The following ANKRD18B variants were observed in gnomAD, a reference collection of about 807,000 sequenced individuals.
The protein encoded by ANKRD18B is ankyrin repeat domain-containing protein 18B.
In ANKRD18B, 75 loss-of-function variants were observed where a neutral mutation model predicts 111.8. The ratio of observed to expected loss-of-function variants is 0.67; its 90% CI spans 0.56 to 0.81. ANKRD18B has a LOEUF of 0.81. ANKRD18B is among the 40% of genes least tolerant of loss of function. The pLI is 0.00. For missense variants in ANKRD18B, 1,038 were observed against 1,225.5 expected, an observed-to-expected ratio of 0.85 and a Z score of 2.28; for synonymous variants, 356 against 417.3, an observed-to-expected ratio of 0.85 and a Z score of 1.79.
intron 10 of ANKRD18B, 142 bp from the exon 11 acceptor site, chr9:33,547,796 T>G (rs1828382378): frequency 1.7e-6 from 1 of 587,152 alleles, no homozygotes; most frequent in Admixed American, 3.8e-5. Context: ...GTTCAAGGTT[T>G]TGCTTCAATT....
In ANKRD18B at chr9:33,529,065, T is replaced by C. The variant is rs1354487868; in HGVS notation, c.387T>C (p.Ile129=). ...ILLKRGANPN[I]KDIYGNTALH... Reference sequence around the variant, plus strand: ...TGAAACGTGGCGCCAATCCAAACATTAAGGATATCTACGGCAACACTGCTC... The same window carrying C: ...TGAAACGTGGCGCCAATCCAAACATCAAGGATATCTACGGCAACACTGCTC... The change falls in exon 3 of 19, where the codon ATT becomes ATC. Residue 129 remains isoleucine (I), a synonymous_variant. Coordinates refer to ENST00000684830, the MANE Select transcript of ANKRD18B (RefSeq NM_001393611.1). 1 of 1,612,136 alleles carries C rather than the reference T, an allele frequency of 6.2e-7. No homozygotes were observed. Among genetic ancestry groups the C allele is most frequent in the Non-Finnish European group, 8.5e-7 (1 of 1,179,856 alleles).
chr9:33,533,806 A>T, intron 4 of ANKRD18B: 2 of 582,600 alleles, frequency 3.4e-6, no homozygotes, highest in Non-Finnish European at 4.7e-6. Context: ...TATATTAGCT[A>T]AAGGGGTTTT....
At chr9:33,531,126 A>G (rs1828109176) in intron 3 of ANKRD18B, among the ~76,000 whole-genome samples, 1 of 152,228 alleles carries the variant, frequency 6.6e-6, no homozygotes, top group Admixed American at 6.5e-5. Flanking sequence ...TCTTTTAATA[A>G]TTTAGTTTCA....
At chr9:33,526,978 C>T (rs1426351629) in intron 1 of ANKRD18B, among the ~76,000 whole-genome samples, 1 of 152,152 alleles carries the variant, frequency 6.6e-6, no homozygotes, top group Non-Finnish European at 1.5e-5. Context: ...ATGTAGCAGA[C>T]ATTTTGCACT....
chr9:33,556,447 A>G (rs867768984), intron 13 of ANKRD18B, among the ~76,000 whole-genome samples: 60 of 152,060 alleles, frequency 3.9e-4, no homozygotes, highest in African/African-American at 1.4e-3. Flanking sequence ...TATTTTTAGT[A>G]GAGATGGGGT....
At chr9:33,527,761 G>A (rs567244521) in intron 1 of ANKRD18B, among the ~76,000 whole-genome samples, 114 of 152,318 alleles carry the variant, frequency 7.5e-4, no homozygotes, top group African/African-American at 2.6e-3. Flanking sequence ...CCCTAGACCT[G>A]CTGTGTATAC....
intron 1 of ANKRD18B, among the ~76,000 whole-genome samples, chr9:33,526,099 G>A (rs1435989498): frequency 4.6e-5 from 7 of 152,156 alleles, no homozygotes; most frequent in Admixed American, 1.3e-4. Context: ...TATCCACAGT[G>A]TTTGTGAGAA....
chr9:33,534,025 G>A (rs1828157510), intron 4 of ANKRD18B, among the ~76,000 whole-genome samples: 1 of 151,852 alleles, frequency 6.6e-6, no homozygotes, highest in Admixed American at 6.6e-5. Context: ...TCGAAGCAAT[G>A]GGAAAGCAAT....
chr9:33,543,919 T>G (rs1563902722), intron 10 of ANKRD18B, among the ~76,000 whole-genome samples: 1 of 152,210 alleles, frequency 6.6e-6, no homozygotes, highest in Non-Finnish European at 1.5e-5. Context: ...GACCTGGATA[T>G]AAGCAGATAA....
At position 33,548,117 on chromosome 9, in the gene ANKRD18B, T is replaced by C; in HGVS notation, c.1329T>C (p.Ser443=). The C allele has an allele frequency of 2.0e-6, 3 of 1,536,216 alleles. No individual in the cohort carries two copies. The highest frequency in any genetic ancestry group is 2.6e-6 in the Non-Finnish European group (3 of 1,142,042). ...AAATAAATGCTAACTTTGAAAAGAGTGTAAGACTCAATGAAGAAATGATAA... is the reference window on the plus strand; with the variant it reads ...AAATAAATGCTAACTTTGAAAAGAGCGTAAGACTCAATGAAGAAATGATAA... ...ITEINANFEK[S]VRLNEEMITK... Residue 443 remains serine (S), a synonymous_variant, in exon 11 of 19, where the codon AGT becomes AGC. Coordinates refer to ENST00000684830, the MANE Select transcript of ANKRD18B (RefSeq NM_001393611.1).
intron 15 of ANKRD18B, chr9:33,566,850 G>C: frequency 7.0e-6 from 3 of 430,194 alleles, no homozygotes; most frequent in Non-Finnish European, 8.1e-6. Flanking sequence ...AATTATAAAT[G>C]GATTCTATTA....
At chr9:33,570,641 T>C (rs1319810014) in intron 17 of ANKRD18B, among the ~76,000 whole-genome samples, 2 of 121,014 alleles carry the variant, frequency 1.7e-5, no homozygotes, top group Admixed American at 8.4e-5. Flanking sequence ...TAACCTTTTT[T>C]TCTTTTTTTT....
chr9:33,557,205 T>C (rs538382798), intron 13 of ANKRD18B, among the ~76,000 whole-genome samples: 1 of 152,240 alleles, frequency 6.6e-6, no homozygotes, highest in South Asian at 2.1e-4. Context: ...ACCTTTCCTT[T>C]TTTCTAAAAC....
chr9:33,570,945 C>T (rs773106229), intron 17 of ANKRD18B, among the ~76,000 whole-genome samples: 11 of 152,034 alleles, frequency 7.2e-5, no homozygotes, highest in Non-Finnish European at 1.5e-4. Context: ...CATTGTTTAA[C>T]CTTTGTACTA....
intron 3 of ANKRD18B, among the ~76,000 whole-genome samples, chr9:33,532,714 G>A (rs556511780): frequency 4.1e-4 from 62 of 152,292 alleles, no homozygotes; most frequent in African/African-American, 1.4e-3. Flanking sequence ...TTGGCATCCT[G>A]AGACCATTGA....
intron 14 of ANKRD18B, among the ~76,000 whole-genome samples, chr9:33,560,304 G>A (rs1396997156): frequency 6.6e-6 from 1 of 152,234 alleles, no homozygotes; most frequent in Non-Finnish European, 1.5e-5. Flanking sequence ...AGGCACACAT[G>A]AGCTGAAGAG....
At chr9:33,556,085 C>T (rs1284284763) in intron 13 of ANKRD18B, among the ~76,000 whole-genome samples, 4 of 151,958 alleles carry the variant, frequency 2.6e-5, no homozygotes, top group Non-Finnish European at 5.9e-5. Flanking sequence ...AAAAATAGAT[C>T]TCTGGATGAG....
chr9:33,541,975 C>A lies in ANKRD18B; in HGVS notation c.1078+748C>A, dbSNP rs1197784982. ...CAAAAACATACGCTCTGGGAGGCTT[C>A]TCTCCCTCTCTTGCTGCTGCCTGGC... is the stretch of plus-strand genomic sequence containing the variant. On this transcript the variant is annotated intron_variant, in intron 9 of 18. Transcript: ENST00000684830. Among the ~76,000 whole-genome samples the A allele has an allele frequency of 3.3e-5, 5 of 152,252 alleles. No individual in the cohort carries two copies. In the East Asian group the frequency reaches 9.6e-4, roughly 29 times the overall value.
In ANKRD18B at chr9:33,524,527, A is replaced by T. The variant is rs1441076206; in HGVS notation, c.38A>T (p.Gln13Leu). Residue 13 changes from glutamine (Q) to leucine (L), a missense_variant, in exon 1 of 19, where the codon CAG becomes CTG. This residue lies in a region of ANKRD18B where 216 missense variants were observed against 205.1 expected (regional missense o/e 1.05). Transcript: ENST00000684830. ...CTCAGTTTTGGGAGACGCCTGGGCC[A>T]GGCGCTCCTGAGCTCCATGGACCAA... ...KLLSFGRRLG[Q>L]ALLSSMDQEY... 6.4e-7 allele frequency: 1 copy of T among 1,551,176 alleles called. No individual in the cohort carries two copies. Among genetic ancestry groups the T allele is most frequent in the Non-Finnish European group, 8.7e-7 (1 of 1,146,764 alleles).
Sources: allele counts gnomAD v4.1 joint callset (sites outside exome capture counted in the v4.1 genomes callset), GRCh38; gene constraint gnomAD v4.1.1; regional missense constraint gnomAD v4.1.1; transcripts MANE v1.5; gene names NCBI Gene and HGNC (gene_info 2026-07-23, HGNC 2026-07-21).